Variants in CATSPERG observed in about 807,000 individuals in gnomAD.
CATSPERG encodes the protein cation channel sperm-associated auxiliary subunit gamma.
A neutral mutation model predicts 145.0 loss-of-function variants in CATSPERG; 115 were observed. The observed-to-expected ratio is 0.79, with a 90% CI of 0.68 to 0.93. The LOEUF (loss-of-function observed/expected upper bound fraction) is 0.93, where lower values mean the gene tolerates loss of function less well. Among genes scored for constraint, CATSPERG ranks in the 40% least tolerant of loss-of-function variants. The pLI, the probability that CATSPERG is intolerant of heterozygous loss-of-function variation, is 0.00. For missense variants in CATSPERG, 1,296 were observed against 1,490.1 expected (o/e 0.87, Z 2.14); for synonymous variants, 588 against 589.0 (o/e 1.00, Z 0.02).
In CATSPERG at chr19:38,351,682, G is replaced by A. The variant is rs189726484; in HGVS notation, c.826-579G>A. On this transcript the variant is annotated intron_variant, in intron 7 of 28. Transcript: ENST00000409235. ...AGCTACTCGGGAGGCTGAGGCGGGA[G>A]GATTGCTTGAGCACAGGAGTTCAAG... Among the ~76,000 whole-genome samples the A allele has an allele frequency of 7.8e-4, 119 of 152,192 alleles. 1 individual carries two copies. The highest frequency in any genetic ancestry group is 2.8e-3 in the African/African-American group (115 of 41,518).
At chr19:38,367,895 G>A in intron 25 of CATSPERG, 119 bp downstream of exon 25, 1 of 1,169,492 alleles carries the variant, frequency 8.6e-7, no homozygotes, top group Non-Finnish European at 1.3e-6. Flanking sequence ...TGCCCACAGT[G>A]GGGCTCTTAG....
At chr19:38,358,126 TA>T in intron 11 of CATSPERG, 151 bp from the exon 12 acceptor site, 1 of 688,498 alleles carries the variant, frequency 1.5e-6, no homozygotes, top group Non-Finnish European at 2.5e-6. Flanking sequence ...AGGGGGGAAA[TA>T]AAAGAAAAGA....
At chr19:38,363,019 C>T (rs11666449) in intron 20 of CATSPERG, among the ~76,000 whole-genome samples, 187 bp downstream of exon 20, 32,267 of 151,568 alleles carry the variant, frequency 0.21, 3,685 homozygotes, top group East Asian at 0.31. Flanking sequence ...ACTGCAGGCA[C>T]GCACCACAGT....
At position 38,360,830 on chromosome 19, in the gene CATSPERG, T is replaced by C. The variant is rs770077385; in HGVS notation, c.1867T>C (p.Leu623=). The change falls in exon 16 of 29, where the codon TTG becomes CTG. Residue 623 remains leucine, a synonymous_variant. Coordinates refer to ENST00000409235, the MANE Select transcript of CATSPERG (RefSeq NM_021185.5). ...TCAACAGCACACCAGCCACTATGAC[T>C]TGGAGCGGAAAGGGTGAGAAGACAC... The part of the protein sequence containing the change: ...MYQQHTSHYD[L]ERKGGYLMLS... 9 of 1,610,884 alleles carry C rather than the reference T, an allele frequency of 5.6e-6. No homozygotes were observed. The East Asian group carries it at 1.8e-4, about 32-fold the overall frequency.
At chr19:38,337,184 T>C (rs994606728) in intron 1 of CATSPERG, 37 bp from the exon 2 acceptor site, 1 of 1,541,206 alleles carries the variant, frequency 6.5e-7, no homozygotes, top group Non-Finnish European at 8.8e-7. Context: ...TCCAGAGAGC[T>C]GTCCGGCGCG....
intron 7 of CATSPERG, among the ~76,000 whole-genome samples, chr19:38,350,662 G>T (rs959156417): frequency 1.3e-5 from 2 of 152,102 alleles, no homozygotes; most frequent in African/African-American, 4.8e-5. Context: ...ACAGGCACTC[G>T]GCCACATTCC....
chr19:38,359,053 T>C (rs1226492630), intron 13 of CATSPERG, among the ~76,000 whole-genome samples: 1 of 152,114 alleles, frequency 6.6e-6, no homozygotes, highest in Non-Finnish European at 1.5e-5. Flanking sequence ...TTTCACCATG[T>C]TGGGCAGGCT....
chr19:38,356,100 G>A (rs1015712760), intron 9 of CATSPERG, among the ~76,000 whole-genome samples: 5 of 152,040 alleles, frequency 3.3e-5, no homozygotes, highest in African/African-American at 4.8e-5. Context: ...CTATAATTTG[G>A]GTCCATTTTT....
At chr19:38,361,882 G>T (rs1021060565) in intron 17 of CATSPERG, 21 bp downstream of exon 17, 27 of 1,585,336 alleles carry the variant, frequency 1.7e-5, no homozygotes, top group East Asian at 2.3e-5. Context: ...GGCGGCGGGC[G>T]GGCAGGCCTG....
intron 26 of CATSPERG, among the ~76,000 whole-genome samples, chr19:38,369,085 T>C (rs1970503654): frequency 1.3e-5 from 2 of 152,162 alleles, no homozygotes; most frequent in Non-Finnish European, 2.9e-5. Flanking sequence ...CAGGCATTTA[T>C]TGATATCTGA....
Position 38,337,444 on chromosome 19 carries a change from C to T in CATSPERG, c.210C>T (p.Pro70=), listed in dbSNP as rs1258298776. ...GCGACAGCTTCTTTGAGCAAGAGCC[C>T]GTGGACACAGTGAGCAGCTTGTTTC... ...GVSDSFFEQE[P]VDTVSSLFHM... The change falls in exon 2 of 29, where the codon CCC becomes CCT. Residue 70 remains proline (P), a synonymous_variant. Transcript: ENST00000409235. The T allele has an allele frequency of 7.7e-6, 12 of 1,551,952 alleles. No homozygotes were observed. The highest frequency in any genetic ancestry group is 2.7e-5 in the African/African-American group (2 of 73,028).
Position 38,362,540 on chromosome 19 carries a change from G to T in CATSPERG, c.2322G>T (p.Ala774=), listed in dbSNP as rs773799922. The part of the protein sequence containing the change: ...TEYSFAIFLS[A]QGHSFRTQSE... ...ACAGCTTCGCCATCTTCCTGTCGGC[G>T]CAGGGCCACTCGTTCCGGACGCAGT... Residue 774 remains alanine (A), a synonymous_variant, in exon 19 of 29, where the codon GCG becomes GCT. Coordinates refer to ENST00000409235, the MANE Select transcript of CATSPERG (RefSeq NM_021185.5). 1.2e-6 allele frequency: 2 copies of T among 1,613,888 alleles called. No homozygotes were observed. Among genetic ancestry groups the T allele is most frequent in the Non-Finnish European group, 1.7e-6 (2 of 1,180,038 alleles).
At chr19:38,337,785 C>T (rs1802603078) in intron 3 of CATSPERG, 139 bp downstream of exon 3, 1 of 723,362 alleles carries the variant, frequency 1.4e-6, no homozygotes, top group Non-Finnish European at 2.1e-6. Context: ...GTGGCGCGAT[C>T]TCGGCTCACT....
chr19:38,368,580 G>T (rs924179583), intron 26 of CATSPERG, among the ~76,000 whole-genome samples: 11 of 152,194 alleles, frequency 7.2e-5, no homozygotes, highest in Non-Finnish European at 1.5e-4. Context: ...TTTGCTCTTT[G>T]TTGCCCAGGC....
chr19:38,353,990 C>CAAAAAAA (rs965226814), intron 8 of CATSPERG, among the ~76,000 whole-genome samples: 3 of 30,590 alleles, frequency 9.8e-5, no homozygotes, highest in African/African-American at 1.4e-4. Context: ...GACTCTGTCT[C>CAAAAAAA]AAAAAAAAAA....
intron 3 of CATSPERG, among the ~76,000 whole-genome samples, chr19:38,339,011 G>C (rs1474070661): frequency 6.6e-6 from 1 of 152,124 alleles, no homozygotes; most frequent in African/African-American, 2.4e-5. Context: ...CAGTTTGAGA[G>C]AGAGAAGTAA....
At chr19:38,358,667 C>G in intron 13 of CATSPERG, 106 bp downstream of exon 13, 2 of 1,358,294 alleles carry the variant, frequency 1.5e-6, no homozygotes, top group Non-Finnish European at 2.1e-6. Flanking sequence ...ACCAAGCCTT[C>G]AAAGGATGCA....
At chr19:38,342,576 G>T (rs906358360) in intron 3 of CATSPERG, among the ~76,000 whole-genome samples, 1 of 151,138 alleles carries the variant, frequency 6.6e-6, no homozygotes, top group Non-Finnish European at 1.5e-5. Flanking sequence ...CTGTAGCCTG[G>T]GCGACAGAGT....
At position 38,367,325 on chromosome 19, in the gene CATSPERG, T is replaced by C; in HGVS notation, c.2770+13T>C. The C allele has an allele frequency of 1.2e-6, 2 of 1,607,756 alleles. No homozygotes were observed. The highest frequency in any genetic ancestry group is 2.2e-5 in the South Asian group (2 of 90,572). ...CTCTTCCGGGACAGTGTGTGTCCAG[T>C]CCCTTCCCCTGCACAGTTCACTGCC... is the stretch of plus-strand genomic sequence containing the variant. On this transcript the variant is annotated intron_variant, in intron 23 of 28. Coordinates refer to ENST00000409235, the MANE Select transcript of CATSPERG (RefSeq NM_021185.5).
Sources: allele counts gnomAD v4.1 joint callset (sites outside exome capture counted in the v4.1 genomes callset), GRCh38; gene constraint gnomAD v4.1.1; transcripts MANE v1.5; gene names NCBI Gene and HGNC (gene_info 2026-07-23, HGNC 2026-07-21).